Variants in METTL16 observed in about 807,000 individuals in gnomAD.
METTL16 encodes the protein methyltransferase 16, RNA N6-adenosine, also known as RNA N(6)-adenosine-methyltransferase METTL16.
A neutral mutation model predicts 57.9 loss-of-function variants in METTL16; 19 were observed. The ratio of observed to expected loss-of-function variants is 0.33; its 90% CI spans 0.23 to 0.48. The LOEUF (loss-of-function observed/expected upper bound fraction) is 0.48, where lower values mean the gene tolerates loss of function less well. Ranked by LOEUF, METTL16 falls within the 20% of genes least tolerant of loss-of-function variation. The pLI is 0.99. For missense variants in METTL16, 434 were observed against 691.5 expected (o/e 0.63, Z 4.18); for synonymous variants, 246 against 255.6 (o/e 0.96, Z 0.36).
chr17:2,467,957 T>C, intron 4 of METTL16, 81 bp from the exon 5 acceptor site: 6 of 907,638 alleles, frequency 6.6e-6, no homozygotes, highest in Non-Finnish European at 1.1e-5. Flanking sequence ...GTAATGATTC[T>C]TTGGTCAACT....
intron 2 of METTL16, among the ~76,000 whole-genome samples, chr17:2,481,835 A>C (rs2067308985): frequency 7.3e-6 from 1 of 136,838 alleles, no homozygotes; most frequent in Non-Finnish European, 1.6e-5. Context: ...ACACCTAAAA[A>C]AATTACCAGA....
intron 6 of METTL16, among the ~76,000 whole-genome samples, chr17:2,448,838 C>G (rs927318713): frequency 3.7e-4 from 41 of 112,074 alleles, no homozygotes; most frequent in African/African-American, 1.2e-3. Context: ...AGCATCCTGG[C>G]CAACATGGTG....
intron 1 of METTL16, among the ~76,000 whole-genome samples, chr17:2,505,057 A>T (rs1441635946): frequency 4.6e-5 from 7 of 152,204 alleles, no homozygotes; most frequent in Non-Finnish European, 8.8e-5. Flanking sequence ...CAAGAAATAA[A>T]AGCAAATGTA....
Position 2,467,757 on chromosome 17 carries a change from T to C in METTL16, c.585+4A>G, listed in dbSNP as rs779411886. 1 of 1,608,234 alleles carries C rather than the reference T, an allele frequency of 6.2e-7. No homozygotes were observed. Among genetic ancestry groups the C allele is most frequent in the Non-Finnish European group, 8.5e-7 (1 of 1,174,784 alleles). On this transcript the variant is annotated splice_donor_region_variant and intron_variant, in intron 5 of 9. Coordinates refer to ENST00000263092, the MANE Select transcript of METTL16 (RefSeq NM_024086.4). Reference sequence around the variant, plus strand: ...CAATTATTTTAAAGCAGAAGACATTTTACCTTGGCTTCCAATTGATTGGCA... The same window carrying C: ...CAATTATTTTAAAGCAGAAGACATTCTACCTTGGCTTCCAATTGATTGGCA...
chr17:2,472,036 C>T (rs990370128), intron 4 of METTL16, among the ~76,000 whole-genome samples: 22 of 151,792 alleles, frequency 1.4e-4, no homozygotes, highest in African/African-American at 5.3e-4. Context: ...ATTGCTTGAA[C>T]CCAGGAGGCA....
Position 2,419,896 on chromosome 17 carries a change from G to C in METTL16, c.*74C>G. 6.4e-7 allele frequency: 1 copy of C among 1,550,392 alleles called. No individual in the cohort carries two copies. Among genetic ancestry groups the C allele is most frequent in the Non-Finnish European group, 8.8e-7 (1 of 1,134,998 alleles). Reference sequence around the variant, plus strand: ...CGTGCTACTAATGGGCCGCTGGTAGGATTCCTCTTGCCACCCCACAGGCCA... The same window carrying C: ...CGTGCTACTAATGGGCCGCTGGTAGCATTCCTCTTGCCACCCCACAGGCCA... On this transcript the variant is annotated 3_prime_UTR_variant, in exon 10 of 10. Coordinates refer to ENST00000263092, the MANE Select transcript of METTL16 (RefSeq NM_024086.4).
chr17:2,454,843 A>G (rs896154145), intron 6 of METTL16, among the ~76,000 whole-genome samples: 7 of 151,290 alleles, frequency 4.6e-5, no homozygotes, highest in African/African-American at 1.7e-4. Context: ...GGATTACAGG[A>G]GTGAGCCCCC....
chr17:2,484,786 GC>G (rs1312865018), intron 2 of METTL16, among the ~76,000 whole-genome samples: 1 of 152,098 alleles, frequency 6.6e-6, no homozygotes, highest in Non-Finnish European at 1.5e-5. Context: ...GAGCCACCGC[GC>G]CTGGTGACCA....
chr17:2,503,858 G>A (rs886411420), intron 1 of METTL16, among the ~76,000 whole-genome samples: 3 of 150,372 alleles, frequency 2.0e-5, no homozygotes, highest in Non-Finnish European at 4.4e-5. Flanking sequence ...AACAAAATAC[G>A]GTATATCCAC....
rs1210134009 is a variant in METTL16, at chr17:2,417,427, A to G, written c.*2543T>C. ...ACATCTATAAAATCTCCTCCATGACATGAAGCCTTAAACCTAGGGACAGAA... is the reference window on the plus strand; with the variant it reads ...ACATCTATAAAATCTCCTCCATGACGTGAAGCCTTAAACCTAGGGACAGAA... On this transcript the variant is annotated 3_prime_UTR_variant, in exon 10 of 10. Coordinates refer to ENST00000263092, the MANE Select transcript of METTL16 (RefSeq NM_024086.4). 1 of 152,150 alleles carries G rather than the reference A, an allele frequency of 6.6e-6. No homozygotes were observed. The highest frequency in any genetic ancestry group is 1.5e-5 in the Non-Finnish European group (1 of 68,032). The allele number at this position is 152,150 out of a possible 1,614,324, so 9.4% of individuals were successfully genotyped here. A position where few individuals can be genotyped will look rare whatever the true frequency, so the allele number is the denominator to read the frequency against.
chr17:2,429,123 G>T (rs1041883189), intron 8 of METTL16, among the ~76,000 whole-genome samples: 42 of 151,568 alleles, frequency 2.8e-4, no homozygotes, highest in African/African-American at 8.7e-4. Flanking sequence ...CTCCCAAAGC[G>T]CTGGGATTAC....
At chr17:2,483,015 T>C (rs192302898) in intron 2 of METTL16, among the ~76,000 whole-genome samples, 2 of 149,380 alleles carry the variant, frequency 1.3e-5, no homozygotes, top group East Asian at 1.9e-4. Context: ...AATCAGATCA[T>C]ATAGTGTTAA....
chr17:2,492,110 C>CTGAG (rs1597468722), intron 2 of METTL16, among the ~76,000 whole-genome samples: 1 of 151,252 alleles, frequency 6.6e-6, no homozygotes, highest in Non-Finnish European at 1.5e-5. Flanking sequence ...ACTCGGGAGG[C>CTGAG]TGAGGTAGGA....
chr17:2,480,499 C>G (rs1009066622), intron 2 of METTL16, among the ~76,000 whole-genome samples: 4 of 152,166 alleles, frequency 2.6e-5, no homozygotes, highest in African/African-American at 9.7e-5. Flanking sequence ...ACGCTCCCAT[C>G]GCTACGAGCA....
At chr17:2,485,601 T>C (rs1226577524) in intron 2 of METTL16, among the ~76,000 whole-genome samples, 1 of 152,224 alleles carries the variant, frequency 6.6e-6, no homozygotes, top group Non-Finnish European at 1.5e-5. Context: ...GAGCACTACT[T>C]TGTTCAACTG....
intron 1 of METTL16, among the ~76,000 whole-genome samples, chr17:2,504,430 T>C (rs1328640620): frequency 3.9e-5 from 6 of 152,244 alleles, no homozygotes; most frequent in African/African-American, 1.2e-4. Context: ...AGTGAGTCTT[T>C]TTTTTTAAAT....
chr17:2,435,814 G>A (rs1026966953), intron 8 of METTL16, among the ~76,000 whole-genome samples: 1 of 151,924 alleles, frequency 6.6e-6, no homozygotes, highest in East Asian at 1.9e-4. Flanking sequence ...GGGGAATCTG[G>A]GGCCCTCAGC....
chr17:2,506,619 GTAA>G (rs2067537913), intron 1 of METTL16, among the ~76,000 whole-genome samples: 1 of 151,792 alleles, frequency 6.6e-6, no homozygotes, highest in Admixed American at 6.6e-5. Context: ...GTGCAGTGGC[GTAA>G]TCGCGGCTCG....
intron 6 of METTL16, among the ~76,000 whole-genome samples, chr17:2,456,660 A>T (rs1257391428): frequency 1.3e-5 from 2 of 152,076 alleles, no homozygotes; most frequent in Admixed American, 1.3e-4. Context: ...GTAGACACAG[A>T]GTCTTGCTAT....
Sources: gnomAD v4.1 joint callset for allele counts (sites outside exome capture counted in the v4.1 genomes callset) on GRCh38, gnomAD v4.1.1 for gene constraint, MANE v1.5 for transcripts, NCBI Gene and HGNC (gene_info 2026-07-23, HGNC 2026-07-21) for gene names.